The following SEPTIN2 variants were observed in gnomAD, a reference collection of about 807,000 sequenced individuals.
SEPTIN2 encodes septin 2.
Under a neutral mutation model 46.5 loss-of-function variants are expected in SEPTIN2, and 34 were observed. The observed-to-expected ratio is 0.73, with a 90% CI of 0.56 to 0.97. The LOEUF is 0.97. Among genes scored for constraint, SEPTIN2 ranks in the 50% least tolerant of loss-of-function variants. The pLI, the probability that SEPTIN2 is intolerant of heterozygous loss-of-function variation, is 0.00. For missense variants in SEPTIN2, 347 were observed against 448.4 expected (o/e 0.77, Z 2.04); for synonymous variants, 175 against 153.4 (o/e 1.14, Z -1.04).
chr2:241,320,622 C>G (rs2076986246), intron 1 of SEPTIN2, among the ~76,000 whole-genome samples: 1 of 152,096 alleles, frequency 6.6e-6, no homozygotes, highest in Non-Finnish European at 1.5e-5. Flanking sequence ...GACCCCATCT[C>G]TACTAAAAAT....
chr2:241,333,993 G>C (rs911703313), intron 3 of SEPTIN2, among the ~76,000 whole-genome samples: 1 of 152,108 alleles, frequency 6.6e-6, no homozygotes, highest in African/African-American at 2.4e-5. Flanking sequence ...TGGGACTCTA[G>C]GTACAAGCCA....
chr2:241,347,486 T>C (rs2060363336), intron 10 of SEPTIN2, among the ~76,000 whole-genome samples: 1 of 152,144 alleles, frequency 6.6e-6, no homozygotes, highest in South Asian at 2.1e-4. Flanking sequence ...CTTGGGGAGC[T>C]TACCCTTTGC....
At chr2:241,328,325 G>A (rs532394369) in intron 3 of SEPTIN2, among the ~76,000 whole-genome samples, 13 of 152,196 alleles carry the variant, frequency 8.5e-5, no homozygotes, top group African/African-American at 2.9e-4. Context: ...CAGCTACTTG[G>A]GAGGCTGAGG....
At chr2:241,338,771 T>TATAATATTTATATTATTTATATATAATAC (rs1442553699) in intron 7 of SEPTIN2, among the ~76,000 whole-genome samples, 1 of 43,942 alleles carries the variant, frequency 2.3e-5, no homozygotes. Context: ...ATTGTTTATA[T>TATAATATTTATATTATTTATATATAATAC]ATATTATATT....
At chr2:241,325,260 TA>T (rs1382363574) in intron 2 of SEPTIN2, 1 of 152,240 alleles carries the variant, frequency 6.6e-6, no homozygotes, top group Non-Finnish European at 1.5e-5. Flanking sequence ...TCATTTTCAG[TA>T]TGCCACTGTC....
chr2:241,337,130 C>A, intron 5 of SEPTIN2: 2 of 404,868 alleles, frequency 4.9e-6, no homozygotes, highest in Non-Finnish European at 8.7e-6. Context: ...CCTGTCTACA[C>A]TGGCCCTCTC....
At chr2:241,325,625 T>C (rs1559603258) in intron 2 of SEPTIN2, among the ~76,000 whole-genome samples, 3 of 152,218 alleles carry the variant, frequency 2.0e-5, no homozygotes, top group Non-Finnish European at 4.4e-5. Context: ...TAGCAGTACT[T>C]TGTAAGCTTG....
At chr2:241,348,734 G>A (rs1304515605) in intron 11 of SEPTIN2, among the ~76,000 whole-genome samples, 1 of 151,786 alleles carries the variant, frequency 6.6e-6, no homozygotes, top group African/African-American at 2.4e-5. Context: ...TTAGCTGAAA[G>A]ACTTTGGAGA....
chr2:241,323,806 T>C (rs2077506372), intron 1 of SEPTIN2, among the ~76,000 whole-genome samples: 1 of 152,232 alleles, frequency 6.6e-6, no homozygotes, highest in Non-Finnish European at 1.5e-5. Flanking sequence ...TATAACATTT[T>C]CGGAACTAAG....
intron 1 of SEPTIN2, among the ~76,000 whole-genome samples, chr2:241,317,958 A>G (rs2076610985): frequency 6.6e-6 from 1 of 152,204 alleles, no homozygotes; most frequent in African/African-American, 2.4e-5. Flanking sequence ...ATTTGCACCC[A>G]GTGTTTAAGT....
chr2:241,342,319 G>T (rs76936834), intron 7 of SEPTIN2, among the ~76,000 whole-genome samples: 5,015 of 151,042 alleles, frequency 0.033, 507 homozygotes, highest in Admixed American at 0.19. Flanking sequence ...CTGTTCTCCA[G>T]GGTCTTCTCA....
chr2:241,316,431 A>G, intron 1 of SEPTIN2: 3 of 1,285,952 alleles, frequency 2.3e-6, no homozygotes, highest in Non-Finnish European at 3.1e-6. Flanking sequence ...GGCGTGGAGG[A>G]CTGGCCAGCC....
intron 1 of SEPTIN2, among the ~76,000 whole-genome samples, chr2:241,319,587 G>A (rs2076855340): frequency 6.6e-6 from 1 of 152,176 alleles, no homozygotes; most frequent in African/African-American, 2.4e-5. Context: ...TTAGATTTAA[G>A]CAGTTTTCCT....
At chr2:241,317,095 T>G (rs2076440404) in intron 1 of SEPTIN2, 1 of 152,284 alleles carries the variant, frequency 6.6e-6, no homozygotes, top group Admixed American at 6.5e-5. Context: ...TGTTTCAAAA[T>G]AGTTCTGCCG....
Position 241,350,075 on chromosome 2 carries a change from C to T in SEPTIN2, c.987C>T (p.Leu329=), listed in dbSNP as rs1295150090. 1 of 1,613,782 alleles carries T rather than the reference C, an allele frequency of 6.2e-7. No individual in the cohort carries two copies. The highest frequency in any genetic ancestry group is 2.2e-5 in the East Asian group (1 of 44,886). Residue 329 remains leucine, a splice_region_variant and synonymous_variant, in exon 12 of 13, where the codon CTC becomes CTT. Transcript: ENST00000391971. ...ATAATGTGTGTGTGTGTTCACAGCT[C>T]CGCCGCATGCAAGAGATGATTGCAA... is the stretch of plus-strand genomic sequence containing the variant. ...DQILLEKEAE[L]RRMQEMIARM... is the part of the protein sequence containing the mutation.
intron 3 of SEPTIN2, among the ~76,000 whole-genome samples, chr2:241,326,809 C>T (rs910158822): frequency 6.6e-6 from 1 of 152,190 alleles, no homozygotes; most frequent in African/African-American, 2.4e-5. Flanking sequence ...ATCCTCCAGG[C>T]CAGGCATGGC....
chr2:241,322,099 C>G (rs559292378), intron 1 of SEPTIN2, among the ~76,000 whole-genome samples: 84 of 152,114 alleles, frequency 5.5e-4, no homozygotes, highest in African/African-American at 1.9e-3. Flanking sequence ...CATTTCCAGT[C>G]AAAAGGGAAA....
At chr2:241,336,388 T>G in intron 5 of SEPTIN2, 1 of 364,650 alleles carries the variant, frequency 2.7e-6, no homozygotes, top group South Asian at 3.8e-5. Context: ...GATACTGTAG[T>G]ACATCCTTTC....
At chr2:241,324,818 A>G (rs1417339138) in intron 2 of SEPTIN2, 2 of 152,654 alleles carry the variant, frequency 1.3e-5, no homozygotes, top group African/African-American at 4.8e-5. Flanking sequence ...GAATTCTGAT[A>G]ATTTATTATG....
Sources: allele counts gnomAD v4.1 joint callset (sites outside exome capture counted in the v4.1 genomes callset), GRCh38; gene constraint gnomAD v4.1.1; transcripts MANE v1.5; gene names NCBI Gene and HGNC (gene_info 2026-07-23, HGNC 2026-07-21).